TTLL9: variants seen among roughly 807,000 people sequenced by gnomAD.
TTLL9 encodes the protein probable tubulin polyglutamylase TTLL9.
In TTLL9, 47 loss-of-function variants were observed where a neutral mutation model predicts 65.6. The observed-to-expected ratio is 0.72, with a 90% CI of 0.57 to 0.91. The LOEUF is 0.91. Among genes scored for constraint, TTLL9 ranks in the 40% least tolerant of loss-of-function variants. The pLI is 0.00. For missense variants in TTLL9, 537 were observed against 568.8 expected (o/e 0.94, Z 0.57); for synonymous variants, 179 against 204.8 (o/e 0.87, Z 1.07).
intron 6 of TTLL9, among the ~76,000 whole-genome samples, chr20:31,910,276 G>A (rs1030989844): frequency 6.6e-6 from 1 of 152,216 alleles, no homozygotes; most frequent in Admixed American, 6.5e-5. Context: ...AAGAACTTGA[G>A]GCTTGCTTAT....
At chr20:31,888,540 C>T (rs112781815) in intron 3 of TTLL9, among the ~76,000 whole-genome samples, 15 of 152,136 alleles carry the variant, frequency 9.9e-5, no homozygotes, top group Non-Finnish European at 1.0e-4. Context: ...GGCCTGATCT[C>T]GGCTCACTGC....
chr20:31,937,291 T>C, intron 12 of TTLL9, 105 bp from the exon 13 acceptor site: 1 of 711,798 alleles, frequency 1.4e-6, no homozygotes, highest in Non-Finnish European at 2.5e-6. Flanking sequence ...GTAGCCTGGA[T>C]TGAATTGACG....
chr20:31,887,103 G>A (rs893926061), intron 2 of TTLL9, 93 bp from the exon 3 acceptor site: 43 of 1,327,926 alleles, frequency 3.2e-5, no homozygotes, highest in African/African-American at 1.6e-4. Flanking sequence ...TGAGTCTGAC[G>A]GTTTGGGCAT....
At chr20:31,902,591 G>A (rs1389646614) in intron 4 of TTLL9, among the ~76,000 whole-genome samples, 1 of 152,084 alleles carries the variant, frequency 6.6e-6, no homozygotes, top group Non-Finnish European at 1.5e-5. Context: ...CTCATTAATT[G>A]ATAGGTGTTT....
chr20:31,927,733 C>T (rs1195051347), intron 10 of TTLL9, among the ~76,000 whole-genome samples: 1 of 152,120 alleles, frequency 6.6e-6, no homozygotes, highest in African/African-American at 2.4e-5. Flanking sequence ...ATGGGCGGGA[C>T]CAGATGACTT....
At chr20:31,910,833 T>G (rs1166655061) in intron 6 of TTLL9, among the ~76,000 whole-genome samples, 2 of 152,162 alleles carry the variant, frequency 1.3e-5, no homozygotes, top group African/African-American at 4.8e-5. Flanking sequence ...CTGAGGGAAC[T>G]GCATATGCAA....
chr20:31,923,104 G>A (rs2063837673), intron 8 of TTLL9, 51 bp downstream of exon 8: 1 of 1,431,266 alleles, frequency 7.0e-7, no homozygotes, highest in Non-Finnish European at 9.9e-7. Context: ...TCATCAAACA[G>A]TCAGTCAACA....
intron 2 of TTLL9, among the ~76,000 whole-genome samples, chr20:31,885,000 A>G (rs879053153): frequency 6.6e-6 from 1 of 152,224 alleles, no homozygotes; most frequent in Non-Finnish European, 1.5e-5. Flanking sequence ...AATGAATTTA[A>G]TTAAAAATGT....
chr20:31,913,932 G>A (rs139674438), intron 6 of TTLL9, among the ~76,000 whole-genome samples: 173 of 152,322 alleles, frequency 1.1e-3, no homozygotes, highest in African/African-American at 3.7e-3. Flanking sequence ...GGTGCGGGGA[G>A]GCGACTGCTT....
chr20:31,880,042 G>A, intron 2 of TTLL9: 1 of 685,842 alleles, frequency 1.5e-6, no homozygotes, highest in Non-Finnish European at 2.4e-6. Context: ...TTGTTCTCGC[G>A]GAGGAATTCC....
chr20:31,902,269 A>G (rs1287944928), intron 4 of TTLL9, among the ~76,000 whole-genome samples: 1 of 152,170 alleles, frequency 6.6e-6, no homozygotes, highest in African/African-American at 2.4e-5. Context: ...TCTATTCTGG[A>G]CACATCATGT....
chr20:31,941,553 G>T (rs2064209912), intron 14 of TTLL9, among the ~76,000 whole-genome samples: 1 of 144,932 alleles, frequency 6.9e-6, no homozygotes. Context: ...GAGAGCTACT[G>T]TTTTTTTTTT....
Position 31,943,896 on chromosome 20 carries a change from G to C in TTLL9, c.*875G>C, listed in dbSNP as rs1345273615. The C allele has an allele frequency of 4.4e-6, 2 of 452,694 alleles. No individual in the cohort carries two copies. Among genetic ancestry groups the C allele is most frequent in the African/African-American group, 4.0e-5 (2 of 49,910 alleles). The allele number at this position is 452,694 out of a possible 1,614,324, so 28.0% of individuals were successfully genotyped here. A position where few individuals can be genotyped will look rare whatever the true frequency, so the allele number is the denominator to read the frequency against. ...TCTTACATTGCTAAGCTTCCTCTTGGTTTAAGAGGGGTTGCAACAAGACTC... is the reference window on the plus strand; with the variant it reads ...TCTTACATTGCTAAGCTTCCTCTTGCTTTAAGAGGGGTTGCAACAAGACTC... On this transcript the variant is annotated 3_prime_UTR_variant, in exon 15 of 15. Coordinates refer to ENST00000535842, the MANE Select transcript of TTLL9 (RefSeq NM_001008409.5).
intron 3 of TTLL9, among the ~76,000 whole-genome samples, chr20:31,892,049 C>T (rs996125090): frequency 2.6e-5 from 4 of 151,230 alleles, no homozygotes; most frequent in African/African-American, 7.3e-5. Flanking sequence ...GTGATCCACG[C>T]GCCTTGGCCT....
chr20:31,934,698 A>G lies in TTLL9; in HGVS notation c.814A>G (p.Lys272Glu). Residue 272 changes from lysine to glutamate, a missense_variant, in exon 12 of 15, where the codon AAG (lysine) becomes GAG (glutamate). Coordinates refer to ENST00000535842, the MANE Select transcript of TTLL9 (RefSeq NM_001008409.5). ...CCGGCTGCCCGGGGCCCAGGGCTGC[A>G]AGTGGACGCTGCAGCGCTTCCGGCA... is the stretch of plus-strand genomic sequence containing the variant. ...SPDYHPKKGC[K>E]WTLQRFRQYL... 2 of 1,610,452 alleles carry G rather than the reference A, an allele frequency of 1.2e-6. No individual in the cohort carries two copies. The highest frequency in any genetic ancestry group is 3.3e-5 in the Admixed American group (2 of 59,896).
chr20:31,885,368 C>G (rs569881358), intron 2 of TTLL9, among the ~76,000 whole-genome samples: 1 of 151,824 alleles, frequency 6.6e-6, no homozygotes, highest in Non-Finnish European at 1.5e-5. Context: ...AACACAGTCT[C>G]GAGATAGATC....
chr20:31,939,038 G>T, intron 13 of TTLL9, 104 bp from the exon 14 acceptor site: 1 of 1,335,582 alleles, frequency 7.5e-7, no homozygotes, highest in South Asian at 1.7e-5. Flanking sequence ...ACTTCTGAGG[G>T]ACGGACATCA....
chr20:31,929,931 C>T (rs2063976865), intron 10 of TTLL9, among the ~76,000 whole-genome samples: 1 of 152,098 alleles, frequency 6.6e-6, no homozygotes, highest in South Asian at 2.1e-4. Flanking sequence ...AGCTTGAGAC[C>T]AGCCTGACCA....
chr20:31,919,388 G>A lies in TTLL9; in HGVS notation c.505-476G>A, dbSNP rs375762672. On this transcript the variant is annotated intron_variant, in intron 6 of 14. Coordinates refer to ENST00000535842, the MANE Select transcript of TTLL9 (RefSeq NM_001008409.5). ...GTTGTCCTTCTACAATGGTAGAAGG[G>A]GAGTAATGCCTTTGTTGAGGACCAC... is the stretch of plus-strand genomic sequence containing the variant. Among the ~76,000 whole-genome samples the A allele has an allele frequency of 4.6e-5, 7 of 152,186 alleles. No individual in the cohort carries two copies. The East Asian group carries it at 5.8e-4, about 13-fold the overall frequency.
Sources: gnomAD v4.1 joint callset for allele counts (sites outside exome capture counted in the v4.1 genomes callset) on GRCh38, gnomAD v4.1.1 for gene constraint, MANE v1.5 for transcripts, NCBI Gene and HGNC (gene_info 2026-07-23, HGNC 2026-07-21) for gene names.